Variants in CATSPERT observed in about 807,000 individuals in gnomAD.
CATSPERT encodes the protein cation channel sperm-associated targeting subunit tau.
the CATSPERT span, among the ~76,000 whole-genome samples, chr2:201,545,896 G>A: frequency 0.42 from 63,886 of 151,808 alleles, 14,060 homozygotes; most frequent in East Asian, 0.75. Context: ...TGATGAATGT[G>A]GGAGATGAAT....
the CATSPERT span, among the ~76,000 whole-genome samples, chr2:201,566,884 T>C: frequency 1.3e-5 from 2 of 152,216 alleles, no homozygotes; most frequent in Non-Finnish European, 2.9e-5. Context: ...TGGCTATGTA[T>C]ATTACCTCAT....
chr2:201,492,100 T>C, the CATSPERT span: 14 of 1,526,824 alleles, frequency 9.2e-6, no homozygotes, highest in Non-Finnish European at 1.2e-5. Context: ...ATATTTCTTT[T>C]CTTTCTCTCG....
the CATSPERT span, chr2:201,571,832 G>A: frequency 5.3e-5 from 49 of 924,078 alleles, no homozygotes; most frequent in East Asian, 1.3e-3. Context: ...TCCTGGCCAT[G>A]TCCTGGGGAC....
chr2:201,541,531 T>TATATA, the CATSPERT span, among the ~76,000 whole-genome samples: 1 of 92,768 alleles, frequency 1.1e-5, no homozygotes, highest in Non-Finnish European at 2.1e-5. Context: ...TCAGATGATT[T>TATATA]TATATATATA....
chr2:201,543,157 T>A, the CATSPERT span, among the ~76,000 whole-genome samples: 1 of 152,228 alleles, frequency 6.6e-6, no homozygotes, highest in Non-Finnish European at 1.5e-5. Flanking sequence ...AAAGATCAGT[T>A]CATCACATTT....
chr2:201,612,645 G>A, the CATSPERT span, among the ~76,000 whole-genome samples: 4 of 150,922 alleles, frequency 2.7e-5, no homozygotes, highest in Non-Finnish European at 4.4e-5. Context: ...AGTTCCCAGT[G>A]TGAGTGACAC....
At chr2:201,569,772 A>G in the CATSPERT span, among the ~76,000 whole-genome samples, 1 of 152,258 alleles carries the variant, frequency 6.6e-6, no homozygotes, top group Admixed American at 6.5e-5. Context: ...CTCTACATTA[A>G]TCGAGCATTT....
the CATSPERT span, among the ~76,000 whole-genome samples, chr2:201,512,324 A>G: frequency 6.6e-6 from 1 of 152,176 alleles, no homozygotes; most frequent in Non-Finnish European, 1.5e-5. Context: ...CTTCAATAGT[A>G]ACATCTTTCA....
chr2:201,509,557 C>G, the CATSPERT span, among the ~76,000 whole-genome samples: 1 of 150,866 alleles, frequency 6.6e-6, no homozygotes, highest in African/African-American at 2.5e-5. Flanking sequence ...TGGATAAAGA[C>G]TTTACCAGTT....
the CATSPERT span, among the ~76,000 whole-genome samples, chr2:201,593,667 T>C: frequency 6.6e-6 from 1 of 150,794 alleles, no homozygotes. Context: ...TGCTCTTGTA[T>C]TGGGTGCATA....
chr2:201,610,444 C>T, the CATSPERT span, among the ~76,000 whole-genome samples: 14 of 131,796 alleles, frequency 1.1e-4, no homozygotes, highest in African/African-American at 5.7e-5. Context: ...GGTGACAGTG[C>T]GAGACTCCGT....
At chr2:201,527,162 C>T in the CATSPERT span, among the ~76,000 whole-genome samples, 2 of 151,736 alleles carry the variant, frequency 1.3e-5, no homozygotes, top group Non-Finnish European at 2.9e-5. Flanking sequence ...ATTCACATAG[C>T]CAAAATAAGA....
At chr2:201,521,981 C>T in the CATSPERT span, among the ~76,000 whole-genome samples, 3 of 151,918 alleles carry the variant, frequency 2.0e-5, no homozygotes, top group African/African-American at 7.3e-5. Context: ...AAGGAAAGTA[C>T]CTCAATACTC....
the CATSPERT span, among the ~76,000 whole-genome samples, chr2:201,552,433 G>A: frequency 2.6e-5 from 4 of 152,190 alleles, no homozygotes; most frequent in Admixed American, 6.5e-5. Flanking sequence ...ACCATAGATT[G>A]AGGTTGCCCA....
At chr2:201,586,420 T>C in the CATSPERT span, among the ~76,000 whole-genome samples, 321 of 152,120 alleles carry the variant, frequency 2.1e-3, 1 homozygote, top group African/African-American at 7.4e-3. Context: ...AAGAAGGTAA[T>C]AGATTTAAAC....
the CATSPERT span, among the ~76,000 whole-genome samples, chr2:201,588,348 T>A: frequency 1.3e-5 from 2 of 151,926 alleles, no homozygotes; most frequent in East Asian, 3.9e-4. Context: ...CGTATACAAA[T>A]CAATAAATGT....
the CATSPERT span, chr2:201,535,920 C>T: frequency 6.4e-7 from 1 of 1,554,638 alleles, no homozygotes; most frequent in African/African-American, 1.4e-5. Context: ...TGTGTTCTCC[C>T]TTTCAGCTAA....
chr2:201,614,317 G>A, the CATSPERT span, among the ~76,000 whole-genome samples: 6 of 152,132 alleles, frequency 3.9e-5, no homozygotes, highest in African/African-American at 9.7e-5. Context: ...GAGAAAGGTC[G>A]GGTTACCCAC....
chr2:201,537,465 T>C, the CATSPERT span: 9 of 1,590,464 alleles, frequency 5.7e-6, no homozygotes, highest in Non-Finnish European at 7.7e-6. Flanking sequence ...GCTTCCTCAT[T>C]TACAAGAGGG....
Sources: allele counts gnomAD v4.1 joint callset (sites outside exome capture counted in the v4.1 genomes callset), GRCh38; gene constraint gnomAD v4.1.1; transcripts MANE v1.5; gene names NCBI Gene and HGNC (gene_info 2026-07-23, HGNC 2026-07-21).